Variants in LRRC49 observed in about 807,000 individuals in gnomAD.
LRRC49 encodes the protein leucine-rich repeat-containing protein 49.
In LRRC49, 50 loss-of-function variants were observed where a neutral mutation model predicts 83.3. The observed-to-expected ratio is 0.60, with a 90% CI of 0.48 to 0.76. The LOEUF is 0.76. Ranked by LOEUF, LRRC49 falls within the 30% of genes least tolerant of loss-of-function variation. The probability of loss-of-function intolerance (pLI) is 0.00; values close to 1 mark genes in which losing one functional copy is unlikely to be tolerated. For synonymous variants in LRRC49, 286 were observed against 283.3 expected (o/e 1.01, Z -0.10); for missense variants, 704 against 809.1 (o/e 0.87, Z 1.58).
At chr15:70,944,954 A>G (rs2035957213) in intron 8 of LRRC49, among the ~76,000 whole-genome samples, 2 of 152,180 alleles carry the variant, frequency 1.3e-5, no homozygotes, top group Admixed American at 1.3e-4. Context: ...CATGTGACCC[A>G]TAGATACTCT....
At chr15:70,891,763 C>T, upstream of LRRC49, 1 of 1,288,890 alleles carries the variant, frequency 7.8e-7, no homozygotes, top group Non-Finnish European at 1.0e-6. Context: ...AGATGAGGTG[C>T]CTTTCCCAAG....
chr15:71,026,296 T>C (rs2141283442), intron 14 of LRRC49, among the ~76,000 whole-genome samples: 1 of 152,276 alleles, frequency 6.6e-6, no homozygotes, highest in South Asian at 2.1e-4. Flanking sequence ...ATGTGCCACA[T>C]TTTTTTATTC....
At chr15:70,982,159 C>T (rs180956331) in intron 10 of LRRC49, among the ~76,000 whole-genome samples, 340 of 152,176 alleles carry the variant, frequency 2.2e-3, no homozygotes, top group Middle Eastern at 3.4e-3. Flanking sequence ...ATAAATTTAA[C>T]ATACTCAGTG....
chr15:71,025,077 G>C (rs2039119138), intron 14 of LRRC49, among the ~76,000 whole-genome samples: 1 of 152,182 alleles, frequency 6.6e-6, no homozygotes, highest in African/African-American at 2.4e-5. Context: ...GCTGACTGGG[G>C]AACCTGAAAG....
chr15:70,968,644 G>C (rs2036880592), intron 9 of LRRC49, among the ~76,000 whole-genome samples: 1 of 152,140 alleles, frequency 6.6e-6, no homozygotes, highest in Non-Finnish European at 1.5e-5. Context: ...TCCGGCATCT[G>C]TTGTTTCCTG....
At chr15:70,875,562 G>A (rs2033136541) in intron 2 of LRRC49, among the ~76,000 whole-genome samples, 1 of 152,164 alleles carries the variant, frequency 6.6e-6, no homozygotes, top group Admixed American at 6.5e-5. Context: ...AGCCTAGGTA[G>A]TGTGTTACAA....
In LRRC49 at chr15:70,872,268, G is replaced by A. The variant is rs111427428; in HGVS notation, c.-298-640G>A. ...AAACCAATCAGGCGTGGCAGCACGCGCCTGCAATCCCAGGCACTGGGCAGG... is the reference window on the plus strand; with the variant it reads ...AAACCAATCAGGCGTGGCAGCACGCACCTGCAATCCCAGGCACTGGGCAGG... On this transcript the variant is annotated intron_variant, in intron 1 of 16. Coordinates refer to the LRRC49 transcript ENST00000544974. 5.1e-3 allele frequency among the ~76,000 whole-genome samples: 780 copies of A among 152,322 alleles called. 6 individuals are homozygous for A. Among genetic ancestry groups the A allele is most frequent in the African/African-American group, 0.018 (752 of 41,580 alleles).
chr15:70,991,458 G>C (rs1424669041), intron 11 of LRRC49, among the ~76,000 whole-genome samples: 1 of 152,056 alleles, frequency 6.6e-6, no homozygotes, highest in Non-Finnish European at 1.5e-5. Flanking sequence ...TATTCTTCCT[G>C]CCATATACTT....
At chr15:70,879,613 T>C (rs1173732401) in intron 2 of LRRC49, among the ~76,000 whole-genome samples, 1 of 152,150 alleles carries the variant, frequency 6.6e-6, no homozygotes, top group Admixed American at 6.5e-5. Context: ...AGCTCATGAT[T>C]AGTCAGAGAT....
chr15:70,988,837 G>C (rs1156741306), intron 11 of LRRC49, among the ~76,000 whole-genome samples: 1 of 152,014 alleles, frequency 6.6e-6, no homozygotes, highest in African/African-American at 2.4e-5. Flanking sequence ...GCCTGGTGGT[G>C]ACAAAATCTC....
At chr15:70,960,725 G>A (rs957270254) in intron 8 of LRRC49, among the ~76,000 whole-genome samples, 10 of 152,046 alleles carry the variant, frequency 6.6e-5, no homozygotes, top group African/African-American at 2.4e-4. Flanking sequence ...ACAATTGGAT[G>A]TCCATATGAA....
At chr15:70,948,234 T>G (rs918191723) in intron 8 of LRRC49, among the ~76,000 whole-genome samples, 9 of 152,092 alleles carry the variant, frequency 5.9e-5, no homozygotes, top group African/African-American at 2.2e-4. Context: ...CTCCTGTCCC[T>G]CTCAGAGAGT....
At chr15:70,868,440 A>G (rs1280411041) in intron 1 of LRRC49, among the ~76,000 whole-genome samples, 1 of 152,214 alleles carries the variant, frequency 6.6e-6, no homozygotes, top group African/African-American at 2.4e-5. Context: ...GGGCCAAGAA[A>G]ATGATATTTG....
chr15:70,964,961 T>TA (rs951076784), intron 9 of LRRC49, among the ~76,000 whole-genome samples: 1 of 152,168 alleles, frequency 6.6e-6, no homozygotes, highest in Non-Finnish European at 1.5e-5. Flanking sequence ...AGCTAATAGC[T>TA]AAAAGTGTGG....
intron 5 of LRRC49, among the ~76,000 whole-genome samples, chr15:70,906,244 G>T (rs1275522672): frequency 6.6e-6 from 1 of 151,740 alleles, no homozygotes; most frequent in Admixed American, 6.6e-5. Flanking sequence ...CTATAGGCAC[G>T]TGCCACCATG....
At chr15:70,896,630 C>T (rs886871027) in intron 3 of LRRC49, among the ~76,000 whole-genome samples, 4 of 152,138 alleles carry the variant, frequency 2.6e-5, no homozygotes, top group African/African-American at 4.8e-5. Context: ...TTGTTGCTGA[C>T]AGCCATTAGC....
intron 2 of LRRC49, among the ~76,000 whole-genome samples, chr15:70,883,983 T>C (rs2033336270): frequency 6.6e-6 from 1 of 151,968 alleles, no homozygotes; most frequent in African/African-American, 2.4e-5. Flanking sequence ...GGGGAACTAA[T>C]ATGGGTGAGA....
Position 71,007,664 on chromosome 15 carries a change from C to T in LRRC49, c.1170-715C>T, listed in dbSNP as rs1381520912. ...CCTTATATAAAAAATGTGGCTTCTA[C>T]CTTGGAAATAATAATTACCAAATTC... On this transcript the variant is annotated intron_variant, in intron 11 of 15. Transcript: ENST00000260382. Among the ~76,000 whole-genome samples, 3 of 147,400 alleles carry T rather than the reference C, an allele frequency of 2.0e-5. No individual in the cohort carries two copies. In the East Asian group the frequency reaches 5.9e-4, roughly 29 times the overall value.
chr15:71,041,132 G>A (rs1191308852), intron 15 of LRRC49, among the ~76,000 whole-genome samples: 3 of 152,144 alleles, frequency 2.0e-5, no homozygotes, highest in African/African-American at 4.8e-5. Context: ...CAGCTAAGCC[G>A]TGCCTGGGTT....
Sources: gnomAD v4.1 joint callset for allele counts (sites outside exome capture counted in the v4.1 genomes callset) on GRCh38, gnomAD v4.1.1 for gene constraint, MANE v1.5 for transcripts, NCBI Gene and HGNC (gene_info 2026-07-23, HGNC 2026-07-21) for gene names.